The following GRID2 variants were observed in gnomAD, a reference collection of about 807,000 sequenced individuals.
GRID2 encodes the protein glutamate ionotropic receptor delta type subunit 2, also known as glutamate receptor ionotropic, delta-2.
A neutral mutation model predicts 114.8 loss-of-function variants in GRID2; 33 were observed. That is an observed-to-expected ratio of 0.29 (90% CI 0.22 to 0.38). The LOEUF is 0.38. Among genes scored for constraint, GRID2 ranks in the 10% least tolerant of loss-of-function variants. The pLI, the probability that GRID2 is intolerant of heterozygous loss-of-function variation, is 1.00. For synonymous variants in GRID2, 505 were observed against 449.9 expected, an observed-to-expected ratio of 1.12 and a Z score of -1.55; for missense variants, 1,184 against 1,257.7, an observed-to-expected ratio of 0.94 and a Z score of 0.89.
intron 1 of GRID2, among the ~76,000 whole-genome samples, chr4:92,359,442 A>T (rs188779612): frequency 5.6e-4 from 85 of 152,116 alleles, no homozygotes; most frequent in African/African-American, 1.9e-3. Context: ...TCATCTGTTA[A>T]TCAGATAATT....
At chr4:92,672,783 A>T (rs909219327) in intron 2 of GRID2, among the ~76,000 whole-genome samples, 1 of 152,138 alleles carries the variant, frequency 6.6e-6, no homozygotes, top group African/African-American at 2.4e-5. Flanking sequence ...GGTAATTAGG[A>T]TATCTATCAC....
At chr4:92,624,745 A>C (rs1446902543) in intron 2 of GRID2, among the ~76,000 whole-genome samples, 2 of 151,830 alleles carry the variant, frequency 1.3e-5, no homozygotes, top group Non-Finnish European at 2.9e-5. Flanking sequence ...TTCAGCAATA[A>C]TAGAGAATAT....
chr4:93,263,009 A>C (rs1194075476), intron 8 of GRID2, among the ~76,000 whole-genome samples: 1 of 151,780 alleles, frequency 6.6e-6, no homozygotes, highest in Non-Finnish European at 1.5e-5. Context: ...ATTGCTGTAA[A>C]CTTTTGATAA....
chr4:92,384,426 G>A (rs376372064), intron 1 of GRID2, among the ~76,000 whole-genome samples: 84 of 67,774 alleles, frequency 1.2e-3, no homozygotes, highest in South Asian at 4.7e-3. Context: ...ACCTGTGTGT[G>A]TGTAGGAATA....
At chr4:93,082,132 A>G (rs907190941) in intron 2 of GRID2, among the ~76,000 whole-genome samples, 4 of 152,178 alleles carry the variant, frequency 2.6e-5, no homozygotes, top group Non-Finnish European at 5.9e-5. Context: ...GCCCGTTCTT[A>G]TATGTGCACA....
chr4:92,562,588 C>T (rs950770116), intron 1 of GRID2, among the ~76,000 whole-genome samples: 2 of 152,086 alleles, frequency 1.3e-5, no homozygotes, highest in African/African-American at 4.8e-5. Flanking sequence ...TGTAGAGCCC[C>T]CACACACAGA....
intron 10 of GRID2, among the ~76,000 whole-genome samples, chr4:93,434,648 C>T (rs4693319): frequency 0.68 from 103,120 of 151,898 alleles, 35,384 homozygotes; most frequent in African/African-American, 0.77. Flanking sequence ...GGATTGTAGC[C>T]GTAGAGGTCC....
intron 13 of GRID2, among the ~76,000 whole-genome samples, chr4:93,538,890 C>T (rs1387869429): frequency 6.6e-6 from 1 of 151,310 alleles, no homozygotes; most frequent in Admixed American, 6.6e-5. Flanking sequence ...AAGACATTAA[C>T]AGCAAAACTG....
intron 13 of GRID2, among the ~76,000 whole-genome samples, chr4:93,563,269 T>C (rs949312654): frequency 1.3e-5 from 2 of 152,052 alleles, no homozygotes; most frequent in African/African-American, 4.8e-5. Flanking sequence ...ACGTCATTGT[T>C]TCCATTTATA....
intron 1 of GRID2, among the ~76,000 whole-genome samples, chr4:92,311,035 GT>G (rs954312411): frequency 3.9e-5 from 6 of 152,002 alleles, no homozygotes; most frequent in African/African-American, 1.2e-4. Flanking sequence ...AGCTGGATTT[GT>G]TTTTTGTTTT....
intron 1 of GRID2, among the ~76,000 whole-genome samples, chr4:92,509,463 A>G (rs750350423): frequency 6.6e-6 from 1 of 151,964 alleles, no homozygotes; most frequent in Non-Finnish European, 1.5e-5. Flanking sequence ...AGTACCTACT[A>G]AATGCACTGA....
Position 92,331,013 on chromosome 4 carries a change from T to A in GRID2, c.88+26269T>A, listed in dbSNP as rs939688402. On this transcript the variant is annotated intron_variant, in intron 1 of 15. Coordinates refer to ENST00000282020, the MANE Select transcript of GRID2 (RefSeq NM_001510.4). ...GCAATTACTACTCTGTTCAAGGCCA[T>A]GTGTTATTCACTGTGGAGGTACTAT... Among the ~76,000 whole-genome samples, 4 of 152,302 alleles carry A rather than the reference T, an allele frequency of 2.6e-5. No homozygotes were observed. In the South Asian group the frequency reaches 8.3e-4, roughly 32 times the overall value.
chr4:93,727,390 G>GA (rs1198380164), intron 14 of GRID2, among the ~76,000 whole-genome samples: 1 of 152,172 alleles, frequency 6.6e-6, no homozygotes, highest in Non-Finnish European at 1.5e-5. Flanking sequence ...CGGTTTGCCA[G>GA]TATTTTATTG....
intron 2 of GRID2, chr4:92,884,983 G>A (rs1021817202): frequency 1.3e-5 from 4 of 300,694 alleles, no homozygotes; most frequent in Non-Finnish European, 2.0e-5. Flanking sequence ...AAATAAAGGT[G>A]TATAGGATTA....
At chr4:93,209,713 C>A (rs991449769) in intron 5 of GRID2, among the ~76,000 whole-genome samples, 1 of 152,056 alleles carries the variant, frequency 6.6e-6, no homozygotes, top group Non-Finnish European at 1.5e-5. Context: ...ACACTCCCAC[C>A]ACCAACAATG....
chr4:93,380,877 C>T (rs1763787818), intron 8 of GRID2, among the ~76,000 whole-genome samples: 1 of 152,022 alleles, frequency 6.6e-6, no homozygotes, highest in Non-Finnish European at 1.5e-5. Context: ...GTGGGGATAG[C>T]TTACCTCTGT....
At chr4:92,819,277 A>G (rs1300956254) in intron 2 of GRID2, among the ~76,000 whole-genome samples, 2 of 152,038 alleles carry the variant, frequency 1.3e-5, no homozygotes, top group African/African-American at 4.8e-5. Context: ...ATCATCACAA[A>G]TCTCCACCAC....
chr4:92,327,634 A>G (rs1726667459), intron 1 of GRID2, among the ~76,000 whole-genome samples: 1 of 151,876 alleles, frequency 6.6e-6, no homozygotes. Context: ...TTCCCTTATT[A>G]TGAAAAAAAG....
intron 2 of GRID2, among the ~76,000 whole-genome samples, chr4:92,962,114 G>A (rs1348162159): frequency 6.6e-6 from 1 of 151,756 alleles, no homozygotes; most frequent in Non-Finnish European, 1.5e-5. Context: ...ATAAACTGTA[G>A]CTTTAAAAAT....
Sources: allele counts gnomAD v4.1 joint callset (sites outside exome capture counted in the v4.1 genomes callset), GRCh38; gene constraint gnomAD v4.1.1; transcripts MANE v1.5; gene names NCBI Gene and HGNC (gene_info 2026-07-23, HGNC 2026-07-21).